Variants in SYNPR observed in about 807,000 individuals in gnomAD.
SYNPR encodes synaptoporin.
Under a neutral mutation model 32.9 loss-of-function variants are expected in SYNPR, and 23 were observed. The observed-to-expected ratio is 0.70, with a 90% CI of 0.50 to 0.99. The LOEUF is 0.99. SYNPR is among the 50% of genes least tolerant of loss of function. The pLI, the probability that SYNPR is intolerant of heterozygous loss-of-function variation, is 0.00. For synonymous variants in SYNPR, 146 were observed against 135.9 expected (o/e 1.07, Z -0.52); for missense variants, 318 against 349.3 (o/e 0.91, Z 0.71).
chr3:63,223,359 C>G (rs975056784), upstream of SYNPR, among the ~76,000 whole-genome samples: 1 of 151,614 alleles, frequency 6.6e-6, no homozygotes, highest in Non-Finnish European at 1.5e-5. Flanking sequence ...ACATTCATTG[C>G]AAAGCTCCTC....
intron 4 of SYNPR, among the ~76,000 whole-genome samples, chr3:63,578,902 T>A (rs553846813): frequency 2.0e-5 from 3 of 152,146 alleles, no homozygotes; most frequent in South Asian, 4.2e-4. Context: ...ATTCTCAGAG[T>A]TGGGCCCCCA....
At chr3:63,340,049 T>C (rs996461378) in intron 2 of SYNPR, among the ~76,000 whole-genome samples, 51 of 152,340 alleles carry the variant, frequency 3.3e-4, no homozygotes, top group African/African-American at 1.1e-3. Flanking sequence ...GATTTTGCCA[T>C]TGCAAGAATC....
At chr3:63,234,619 T>C (rs533353602) in intron 1 of SYNPR, among the ~76,000 whole-genome samples, 2 of 152,200 alleles carry the variant, frequency 1.3e-5, no homozygotes, top group Non-Finnish European at 2.9e-5. Context: ...AATTCTGGTG[T>C]GCTGCCCCTG....
intron 2 of SYNPR, among the ~76,000 whole-genome samples, chr3:63,263,680 G>C (rs1560172512): frequency 6.6e-6 from 1 of 152,164 alleles, no homozygotes; most frequent in Non-Finnish European, 1.5e-5. Context: ...GGCCACAGCT[G>C]AGGGCAAGGG....
intron 4 of SYNPR, among the ~76,000 whole-genome samples, chr3:63,579,332 G>A (rs1703048870): frequency 6.6e-6 from 1 of 151,980 alleles, no homozygotes; most frequent in Admixed American, 6.6e-5. Context: ...CACATGGCTG[G>A]CTCCCATATT....
At chr3:63,240,898 A>G (rs1422850016) in intron 1 of SYNPR, among the ~76,000 whole-genome samples, 1 of 152,112 alleles carries the variant, frequency 6.6e-6, no homozygotes, top group African/African-American at 2.4e-5. Flanking sequence ...CCACTGTGCC[A>G]TGAGACTTTG....
At chr3:63,508,734 C>T (rs1353127015) in intron 3 of SYNPR, among the ~76,000 whole-genome samples, 1 of 152,180 alleles carries the variant, frequency 6.6e-6, no homozygotes, top group East Asian at 1.9e-4. Context: ...ATTGGTCCAA[C>T]CTGAACCACT....
intron 3 of SYNPR, among the ~76,000 whole-genome samples, chr3:63,508,450 G>A (rs72887332): frequency 6.6e-6 from 1 of 152,174 alleles, no homozygotes; most frequent in Non-Finnish European, 1.5e-5. Context: ...TGACTCAGGT[G>A]ATGTAAGGTG....
At chr3:63,427,046 C>T (rs1699905227) in intron 2 of SYNPR, among the ~76,000 whole-genome samples, 1 of 151,634 alleles carries the variant, frequency 6.6e-6, no homozygotes, top group Admixed American at 6.6e-5. Flanking sequence ...AATGACATGA[C>T]AGAAGAGTGT....
rs142673069 is a variant in SYNPR, at chr3:63,546,470, G to A, written c.210-10073G>A. On this transcript the variant is annotated intron_variant, in intron 3 of 5. Transcript: ENST00000478300. ...TTGGATAAACATCTTTCTGGCACAT[G>A]GAAATGGGAGCTACATGCTGGGGGT... Among the ~76,000 whole-genome samples the A allele has an allele frequency of 5.3e-5, 8 of 152,142 alleles. 1 individual carries two copies. Among genetic ancestry groups the A allele is most frequent in the African/African-American group, 1.9e-4 (8 of 41,524 alleles).
At position 63,407,435 on chromosome 3, in the gene SYNPR, T is replaced by C. The variant is rs531686356; in HGVS notation, c.85-73397T>C. On this transcript the variant is annotated intron_variant, in intron 2 of 5. Coordinates refer to ENST00000478300, the MANE Select transcript of SYNPR (RefSeq NM_001130003.2). Reference sequence around the variant, plus strand: ...TGAAATCAGCCAATCCAGATTCAAATCATCCTAGCTTCCTGTTTCACATTT... The same window carrying C: ...TGAAATCAGCCAATCCAGATTCAAACCATCCTAGCTTCCTGTTTCACATTT... Among the ~76,000 whole-genome samples the C allele has an allele frequency of 6.6e-5, 10 of 152,326 alleles. No homozygotes were observed. In the East Asian group the frequency reaches 1.2e-3, roughly 18 times the overall value.
intron 2 of SYNPR, among the ~76,000 whole-genome samples, chr3:63,332,702 A>G (rs1386015026): frequency 6.6e-6 from 1 of 152,188 alleles, no homozygotes; most frequent in Non-Finnish European, 1.5e-5. Flanking sequence ...CCTGTTTTAT[A>G]AACAGTGAAT....
chr3:63,506,430 A>G (rs1303863143), intron 3 of SYNPR, among the ~76,000 whole-genome samples: 1 of 152,184 alleles, frequency 6.6e-6, no homozygotes, highest in Admixed American at 6.5e-5. Context: ...TGTCTCCTCC[A>G]GGTGAATGAG....
chr3:63,392,116 G>A (rs1177630723), intron 2 of SYNPR, among the ~76,000 whole-genome samples: 5 of 152,080 alleles, frequency 3.3e-5, no homozygotes, highest in African/African-American at 7.2e-5. Flanking sequence ...TTTGTGTAAC[G>A]ATACATTTAT....
At chr3:63,223,124 G>A in the SYNPR span, among the ~76,000 whole-genome samples, 2 of 151,994 alleles carry the variant, frequency 1.3e-5, no homozygotes, top group African/African-American at 4.8e-5. Context: ...AGGTTTTACT[G>A]CTTGGGCCTG....
At chr3:63,612,140 C>A (rs576372463) in intron 5 of SYNPR, among the ~76,000 whole-genome samples, 1 of 152,306 alleles carries the variant, frequency 6.6e-6, no homozygotes, top group African/African-American at 2.4e-5. Flanking sequence ...GGTAAACTCT[C>A]TAATCCTTAG....
chr3:63,595,841 A>G (rs1224540015), intron 4 of SYNPR, among the ~76,000 whole-genome samples: 1 of 76,686 alleles, frequency 1.3e-5, no homozygotes, highest in East Asian at 4.0e-4. Flanking sequence ...AGTTATATAT[A>G]TAGTTTTATA....
intron 2 of SYNPR, among the ~76,000 whole-genome samples, chr3:63,356,754 G>A (rs1447242138): frequency 6.6e-6 from 1 of 152,196 alleles, no homozygotes; most frequent in East Asian, 1.9e-4. Flanking sequence ...TTTATTGAAT[G>A]TGAAACATAT....
At position 63,253,728 on chromosome 3, in the gene SYNPR, A is replaced by G. The variant is rs2086357470; in HGVS notation, n.154+1142A>G. The stretch of plus-strand genomic sequence containing the variant: ...TTTTACACTGTTGGTGGGACTGTAA[A>G]CTAGTTCAATCATTGTGGAAGTCAG... On this transcript the variant is annotated intron_variant and non_coding_transcript_variant, in intron 2 of 4. Coordinates refer to the SYNPR transcript ENST00000478456. 2.0e-5 allele frequency among the ~76,000 whole-genome samples: 3 copies of G among 152,304 alleles called. No homozygotes were observed. The South Asian group carries it at 6.2e-4, about 32-fold the overall frequency.
Sources: allele counts gnomAD v4.1 joint callset (sites outside exome capture counted in the v4.1 genomes callset), GRCh38; gene constraint gnomAD v4.1.1; transcripts MANE v1.5; gene names NCBI Gene and HGNC (gene_info 2026-07-23, HGNC 2026-07-21).